The following ENTREP2 variants were observed in gnomAD, a reference collection of about 807,000 sequenced individuals.
ENTREP2 encodes protein ENTREP2.
At chr15:29,301,390 T>A in the ENTREP2 span, among the ~76,000 whole-genome samples, 4 of 152,264 alleles carry the variant, frequency 2.6e-5, no homozygotes, top group East Asian at 1.9e-4. Context: ...CTTATGCATG[T>A]CCTTAGAGTT....
chr15:29,631,005 T>C, the ENTREP2 span, among the ~76,000 whole-genome samples: 1 of 152,238 alleles, frequency 6.6e-6, no homozygotes, highest in Non-Finnish European at 1.5e-5. Context: ...ATTTCTCTAT[T>C]CTCACATTCA....
the ENTREP2 span, among the ~76,000 whole-genome samples, chr15:29,221,877 A>C: frequency 1.3e-5 from 2 of 152,138 alleles, no homozygotes; most frequent in Non-Finnish European, 2.9e-5. Flanking sequence ...TGGAATAACA[A>C]AAGATTGGAA....
chr15:29,268,501 T>C, the ENTREP2 span: 5 of 371,472 alleles, frequency 1.3e-5, no homozygotes, highest in Admixed American at 1.7e-4. Flanking sequence ...TCTTGCATTA[T>C]CTGTTCCAGA....
chr15:29,427,009 A>G, the ENTREP2 span, among the ~76,000 whole-genome samples: 16 of 152,180 alleles, frequency 1.1e-4, no homozygotes, highest in African/African-American at 2.9e-4. Context: ...AACTGTAGCC[A>G]TGTGGCCTCC....
chr15:29,190,499 C>A, the ENTREP2 span, among the ~76,000 whole-genome samples: 1 of 152,080 alleles, frequency 6.6e-6, no homozygotes, highest in Admixed American at 6.6e-5. Context: ...TTCTGGATTC[C>A]AAATTTATTC....
chr15:29,219,967 C>G, the ENTREP2 span, among the ~76,000 whole-genome samples: 1 of 151,730 alleles, frequency 6.6e-6, no homozygotes, highest in Non-Finnish European at 1.5e-5. Flanking sequence ...CACTAAAGAT[C>G]CTACGCATGC....
the ENTREP2 span, among the ~76,000 whole-genome samples, chr15:29,490,109 G>A: frequency 6.6e-6 from 1 of 152,176 alleles, no homozygotes; most frequent in Admixed American, 6.5e-5. Context: ...GGAATTGGTG[G>A]GTTCTCGGTC....
chr15:29,158,580 T>C, the ENTREP2 span, among the ~76,000 whole-genome samples: 1 of 152,124 alleles, frequency 6.6e-6, no homozygotes, highest in African/African-American at 2.4e-5. Flanking sequence ...AATTTTGATG[T>C]ATATTTTTTT....
At chr15:29,497,850 A>T in the ENTREP2 span, among the ~76,000 whole-genome samples, 1 of 152,022 alleles carries the variant, frequency 6.6e-6, no homozygotes, top group Non-Finnish European at 1.5e-5. Flanking sequence ...CTAGTTTCTC[A>T]ATATGTAATG....
the ENTREP2 span, among the ~76,000 whole-genome samples, chr15:29,372,028 G>C: frequency 6.6e-6 from 1 of 152,090 alleles, no homozygotes; most frequent in Non-Finnish European, 1.5e-5. Context: ...CGAATAACTA[G>C]AACTAGTTTA....
the ENTREP2 span, among the ~76,000 whole-genome samples, chr15:29,128,300 C>G: frequency 1.3e-5 from 2 of 152,176 alleles, no homozygotes; most frequent in Admixed American, 6.5e-5. Context: ...CACCCACCCT[C>G]TGTGTCTGGG....
chr15:29,384,820 G>T, the ENTREP2 span, among the ~76,000 whole-genome samples: 1 of 152,092 alleles, frequency 6.6e-6, no homozygotes, highest in Non-Finnish European at 1.5e-5. Flanking sequence ...GCCACATTCC[G>T]GGGCTCTGGC....
the ENTREP2 span, among the ~76,000 whole-genome samples, chr15:29,618,214 G>A: frequency 6.6e-6 from 1 of 152,072 alleles, no homozygotes; most frequent in Non-Finnish European, 1.5e-5. Context: ...ACAAGGTCAG[G>A]AGTTCGAGAC....
chr15:29,320,929 G>T, the ENTREP2 span, among the ~76,000 whole-genome samples: 1 of 152,068 alleles, frequency 6.6e-6, no homozygotes, highest in African/African-American at 2.4e-5. Flanking sequence ...TGTATAACAG[G>T]AATATTAAAA....
the ENTREP2 span, chr15:29,269,562 C>CG: frequency 1.3e-6 from 2 of 1,525,606 alleles, no homozygotes; most frequent in Non-Finnish European, 1.8e-6. Context: ...GGGACGTGCT[C>CG]GGGGCCTCCT....
At chr15:29,400,522 G>C in the ENTREP2 span, among the ~76,000 whole-genome samples, 1 of 152,138 alleles carries the variant, frequency 6.6e-6, no homozygotes, top group Non-Finnish European at 1.5e-5. Context: ...TACGCAATAA[G>C]AAGTGCTAGG....
At chr15:29,546,772 A>G in the ENTREP2 span, among the ~76,000 whole-genome samples, 1 of 151,646 alleles carries the variant, frequency 6.6e-6, no homozygotes, top group Admixed American at 6.6e-5. Context: ...CTGTAGTCCC[A>G]GCTACTCGGG....
At chr15:29,347,796 C>A in the ENTREP2 span, among the ~76,000 whole-genome samples, 1 of 152,188 alleles carries the variant, frequency 6.6e-6, no homozygotes, top group Non-Finnish European at 1.5e-5. Flanking sequence ...GCCAACACAG[C>A]AGCAACTGCA....
the ENTREP2 span, among the ~76,000 whole-genome samples, chr15:29,663,487 G>A: frequency 6.6e-6 from 1 of 152,216 alleles, no homozygotes; most frequent in Middle Eastern, 3.4e-3. Context: ...TGATAGACTG[G>A]ATTAAGAAAA....
Sources: gnomAD v4.1 joint callset for allele counts (sites outside exome capture counted in the v4.1 genomes callset) on GRCh38, gnomAD v4.1.1 for gene constraint, MANE v1.5 for transcripts, NCBI Gene and HGNC (gene_info 2026-07-23, HGNC 2026-07-21) for gene names.